NRXN1: variants seen among roughly 807,000 people sequenced by gnomAD.
NRXN1 encodes neurexin-1.
In NRXN1, 39 loss-of-function variants were observed where a neutral mutation model predicts 150.9. The ratio of observed to expected loss-of-function variants is 0.26; its 90% CI spans 0.20 to 0.34. NRXN1 has a LOEUF of 0.34. Among genes scored for constraint, NRXN1 ranks in the 10% least tolerant of loss-of-function variants. The pLI is 1.00. For missense variants in NRXN1, 1,815 were observed against 1,949.9 expected, an observed-to-expected ratio of 0.93 and a Z score of 1.30; for synonymous variants, 924 against 757.0, an observed-to-expected ratio of 1.22 and a Z score of -3.62.
chr2:50,331,352 G>A (rs1387782057), intron 17 of NRXN1, among the ~76,000 whole-genome samples: 1 of 152,128 alleles, frequency 6.6e-6, no homozygotes, highest in East Asian at 1.9e-4. Context: ...AGGATATTGA[G>A]AATAGAGGAC....
chr2:50,241,383 G>C (rs2065985210), intron 17 of NRXN1, among the ~76,000 whole-genome samples: 1 of 151,816 alleles, frequency 6.6e-6, no homozygotes, highest in East Asian at 1.9e-4. Flanking sequence ...CCAATATAGA[G>C]AGGAACATAG....
intron 5 of NRXN1, among the ~76,000 whole-genome samples, chr2:50,628,852 C>T (rs1291528117): frequency 6.6e-6 from 1 of 151,030 alleles, no homozygotes; most frequent in Admixed American, 6.6e-5. Flanking sequence ...CAACACAAGC[C>T]AATGGGAAAA....
intron 5 of NRXN1, among the ~76,000 whole-genome samples, chr2:50,789,018 G>C (rs904347374): frequency 6.6e-6 from 1 of 152,098 alleles, no homozygotes; most frequent in South Asian, 2.1e-4. Flanking sequence ...GGAGAAAAGG[G>C]AGACCAGGAA....
intron 19 of NRXN1, among the ~76,000 whole-genome samples, chr2:50,079,961 C>A (rs979003786): frequency 3.3e-5 from 5 of 151,974 alleles, no homozygotes; most frequent in Non-Finnish European, 7.4e-5. Context: ...TAGAAATAAG[C>A]AATTCATGCC....
intron 5 of NRXN1, among the ~76,000 whole-genome samples, chr2:50,682,210 T>C (rs948527152): frequency 2.6e-5 from 4 of 152,206 alleles, no homozygotes; most frequent in African/African-American, 7.2e-5. Flanking sequence ...GGTGAGACTA[T>C]GTAGATGCCC....
intron 17 of NRXN1, among the ~76,000 whole-genome samples, chr2:50,324,125 C>CT (rs2076226763): frequency 6.6e-6 from 1 of 152,188 alleles, no homozygotes; most frequent in East Asian, 1.9e-4. Flanking sequence ...AACTAAACTT[C>CT]AGGCAGGGTA....
chr2:50,170,795 A>C (rs868692715), intron 18 of NRXN1, among the ~76,000 whole-genome samples: 1 of 121,196 alleles, frequency 8.3e-6, no homozygotes, highest in Non-Finnish European at 1.8e-5. Flanking sequence ...GTGTGTGTGT[A>C]TGCATCTGTA....
At position 50,891,665 on chromosome 2, in the gene NRXN1, AC is replaced by A. The variant is rs1559401705; in HGVS notation, c.832+30203del. On this transcript the variant is annotated intron_variant, in intron 5 of 22. Transcript: ENST00000401669. ...GCTAGAGAAACATCCTTTCTTGTTA[AC>A]ATATCTTGATATACAAAGTATACTA... 5.9e-5 allele frequency among the ~76,000 whole-genome samples: 9 copies of A among 152,190 alleles called. No homozygotes were observed. In the South Asian group the frequency reaches 1.9e-3, roughly 32 times the overall value.
intron 2 of NRXN1, among the ~76,000 whole-genome samples, chr2:50,932,500 T>C (rs992681758): frequency 3.3e-5 from 5 of 152,018 alleles, no homozygotes; most frequent in Non-Finnish European, 7.4e-5. Context: ...TCAATGTTAA[T>C]ATCATATGTT....
At chr2:49,981,549 T>C (rs2152508364) in intron 21 of NRXN1, among the ~76,000 whole-genome samples, 1 of 152,134 alleles carries the variant, frequency 6.6e-6, no homozygotes, top group South Asian at 2.1e-4. Flanking sequence ...TCCCCCCCAC[T>C]TTTCCCGCTC....
At chr2:50,635,184 G>A (rs1683044812) in intron 5 of NRXN1, among the ~76,000 whole-genome samples, 2 of 150,832 alleles carry the variant, frequency 1.3e-5, no homozygotes, top group African/African-American at 4.9e-5. Flanking sequence ...TTTTGATAGA[G>A]TCTCGCTCTG....
chr2:50,272,106 G>T (rs1558422811), intron 17 of NRXN1, among the ~76,000 whole-genome samples: 1 of 152,184 alleles, frequency 6.6e-6, no homozygotes. Flanking sequence ...TGACCTTGGG[G>T]AGCAGGTCTG....
chr2:50,646,708 C>CTT (rs552231598), intron 5 of NRXN1, among the ~76,000 whole-genome samples: 1,389 of 107,120 alleles, frequency 0.013, 2 homozygotes, highest in Non-Finnish European at 0.017. Context: ...TTCATGTTGT[C>CTT]TTTTTTTTTT....
At chr2:50,255,795 T>G (rs915917184) in intron 17 of NRXN1, among the ~76,000 whole-genome samples, 1 of 152,170 alleles carries the variant, frequency 6.6e-6, no homozygotes, top group Non-Finnish European at 1.5e-5. Context: ...GTTTTATGAC[T>G]CATGAGGAAG....
At position 50,624,664 on chromosome 2, in the gene NRXN1, C is replaced by T. The variant is rs1232405636; in HGVS notation, c.833-1049G>A. Reference sequence around the variant, plus strand: ...GTAGTGATAGAAAGTCTAATGGAGTCAGCTGGATTACTGATCTATTCCCTG... The same window carrying T: ...GTAGTGATAGAAAGTCTAATGGAGTTAGCTGGATTACTGATCTATTCCCTG... On this transcript the variant is annotated intron_variant, in intron 5 of 22. Coordinates refer to ENST00000401669, the MANE Select transcript of NRXN1 (RefSeq NM_001330078.2). The T allele has an allele frequency of 2.0e-5, 3 of 151,972 alleles. No individual in the cohort carries two copies. The East Asian group carries it at 5.8e-4, about 30-fold the overall frequency. 9.4% of individuals were successfully genotyped at this position (151,972 alleles called of 1,614,324 possible).
chr2:50,088,371 G>A (rs1699086123), intron 19 of NRXN1, among the ~76,000 whole-genome samples: 1 of 152,076 alleles, frequency 6.6e-6, no homozygotes, highest in South Asian at 2.1e-4. Flanking sequence ...TGACAATGGT[G>A]ACTCCCCTGA....
intron 2 of NRXN1, among the ~76,000 whole-genome samples, chr2:50,958,834 A>G (rs1218179649): frequency 6.6e-6 from 1 of 152,086 alleles, no homozygotes; most frequent in African/African-American, 2.4e-5. Flanking sequence ...CAGCTGTGTG[A>G]ATTTCATAAA....
At chr2:50,314,604 C>T (rs1475431969) in intron 17 of NRXN1, among the ~76,000 whole-genome samples, 2 of 138,894 alleles carry the variant, frequency 1.4e-5, no homozygotes, top group East Asian at 4.4e-4. Context: ...TTGGTAAATG[C>T]CATTTCTAAA....
intron 5 of NRXN1, among the ~76,000 whole-genome samples, chr2:50,714,349 G>T (rs1004689976): frequency 2.6e-5 from 4 of 152,116 alleles, no homozygotes; most frequent in Admixed American, 1.3e-4. Context: ...TATATTAAGA[G>T]AAATCTGTCT....
Sources: gnomAD v4.1 joint callset for allele counts (sites outside exome capture counted in the v4.1 genomes callset) on GRCh38, gnomAD v4.1.1 for gene constraint, MANE v1.5 for transcripts, NCBI Gene and HGNC (gene_info 2026-07-23, HGNC 2026-07-21) for gene names.